The following ZNF385D variants were observed in gnomAD, a reference collection of about 807,000 sequenced individuals.
ZNF385D encodes zinc finger protein 659.
Under a neutral mutation model 35.8 loss-of-function variants are expected in ZNF385D, and 15 were observed. That is an observed-to-expected ratio of 0.42 (90% CI 0.28 to 0.64). ZNF385D has a LOEUF of 0.64. Ranked by LOEUF, ZNF385D falls within the 30% of genes least tolerant of loss-of-function variation. The pLI, the probability that ZNF385D is intolerant of heterozygous loss-of-function variation, is 0.23. For missense variants in ZNF385D, 474 were observed against 494.6 expected, an observed-to-expected ratio of 0.96 and a Z score of 0.39; for synonymous variants, 212 against 186.8, an observed-to-expected ratio of 1.13 and a Z score of -1.10.
chr3:21,569,412 T>G (rs540369670), intron 2 of ZNF385D, among the ~76,000 whole-genome samples: 7 of 149,498 alleles, frequency 4.7e-5, no homozygotes, highest in Non-Finnish European at 8.9e-5. Context: ...TTCCATTTGC[T>G]TGGTAGATCT....
chr3:21,993,320 A>G (rs914926219), intron 3 of ZNF385D, among the ~76,000 whole-genome samples: 3 of 152,166 alleles, frequency 2.0e-5, no homozygotes, highest in Non-Finnish European at 2.9e-5. Flanking sequence ...TTGTTTTAAA[A>G]AAGTTTCTTA....
intron 3 of ZNF385D, among the ~76,000 whole-genome samples, chr3:21,993,302 T>C (rs1216174600): frequency 6.6e-6 from 1 of 152,204 alleles, no homozygotes; most frequent in Non-Finnish European, 1.5e-5. Flanking sequence ...TTGGGATGTT[T>C]CCTTGAGTTG....
At chr3:21,908,157 T>TCTATCTATCTATCTATCTAC (rs1553696865) in intron 3 of ZNF385D, among the ~76,000 whole-genome samples, 1,836 of 150,268 alleles carry the variant, frequency 0.012, 22 homozygotes, top group Middle Eastern at 0.017. Flanking sequence ...TATCTATCTA[T>TCTATCTATCTATCTATCTAC]CTATCTATCT....
chr3:22,031,861 C>A (rs562145097), intron 3 of ZNF385D, among the ~76,000 whole-genome samples: 2 of 152,202 alleles, frequency 1.3e-5, no homozygotes, highest in Non-Finnish European at 2.9e-5. Flanking sequence ...TTCAAACTAT[C>A]TCTTTGTGAA....
intron 3 of ZNF385D, among the ~76,000 whole-genome samples, chr3:22,107,835 G>C (rs1702305990): frequency 6.6e-6 from 1 of 151,846 alleles, no homozygotes; most frequent in Non-Finnish European, 1.5e-5. Context: ...ATATGGAATG[G>C]CATGGTTTGA....
At chr3:21,573,717 A>T (rs1044194761) in intron 2 of ZNF385D, among the ~76,000 whole-genome samples, 1 of 118,944 alleles carries the variant, frequency 8.4e-6, no homozygotes, top group East Asian at 2.5e-4. Context: ...ACACATGCCT[A>T]GTCAACAAAG....
At chr3:21,626,193 T>C (rs1339224562) in intron 2 of ZNF385D, among the ~76,000 whole-genome samples, 1 of 152,000 alleles carries the variant, frequency 6.6e-6, no homozygotes, top group Admixed American at 6.6e-5. Flanking sequence ...TGGTCCAAGA[T>C]ATGTCAGAGG....
At chr3:22,081,594 T>A (rs1347426408) in intron 3 of ZNF385D, among the ~76,000 whole-genome samples, 5 of 152,172 alleles carry the variant, frequency 3.3e-5, no homozygotes, top group African/African-American at 9.7e-5. Flanking sequence ...GTGTTTTAGA[T>A]GATTAAGTGT....
chr3:22,208,942 ATGTT>A, intron 2 of ZNF385D, among the ~76,000 whole-genome samples: 1 of 151,956 alleles, frequency 6.6e-6, no homozygotes, highest in East Asian at 1.9e-4. Flanking sequence ...CAGTTTTGTA[ATGTT>A]TGTTGCCAGT....
At chr3:22,015,898 AC>A in intron 3 of ZNF385D, among the ~76,000 whole-genome samples, 1 of 152,144 alleles carries the variant, frequency 6.6e-6, no homozygotes, top group South Asian at 2.1e-4. Context: ...TGTTGTGCCC[AC>A]GTTCCTGAAA....
intron 1 of ZNF385D, among the ~76,000 whole-genome samples, chr3:21,707,538 C>T (rs570496588): frequency 7.9e-5 from 12 of 152,172 alleles, no homozygotes; most frequent in Non-Finnish European, 1.2e-4. Flanking sequence ...TGAAAGGGAA[C>T]GAAAGACCTC....
intron 3 of ZNF385D, among the ~76,000 whole-genome samples, chr3:21,793,784 A>G (rs2072027624): frequency 6.6e-6 from 1 of 152,248 alleles, no homozygotes; most frequent in Admixed American, 6.5e-5. Flanking sequence ...TTCTGTAAGG[A>G]ACCTTAAAAA....
chr3:22,165,338 G>C (rs545895007), intron 3 of ZNF385D, among the ~76,000 whole-genome samples: 192 of 152,270 alleles, frequency 1.3e-3, no homozygotes, highest in African/African-American at 4.3e-3. Context: ...AAGAAAAAAA[G>C]CTGAGTAGTT....
At chr3:22,026,609 A>T (rs570667732) in intron 3 of ZNF385D, among the ~76,000 whole-genome samples, 1 of 152,190 alleles carries the variant, frequency 6.6e-6, no homozygotes, top group East Asian at 1.9e-4. Flanking sequence ...CATTTCCCCA[A>T]TGCCAGAATG....
Position 22,096,281 on chromosome 3 carries a change from A to G in ZNF385D, c.325+72536T>C, listed in dbSNP as rs1250768139. ...AACCTCAGCATTGCACAATATACCC[A>G]GGTATCAAACCTGCACATGTAAACC... On this transcript the variant is annotated intron_variant, in intron 3 of 5. Transcript: ENST00000494108. Among the ~76,000 whole-genome samples the G allele has an allele frequency of 2.6e-5, 4 of 152,022 alleles. No individual in the cohort carries two copies. The East Asian group carries it at 7.7e-4, about 29-fold the overall frequency.
chr3:21,520,364 A>C (rs1707833944), intron 3 of ZNF385D, among the ~76,000 whole-genome samples: 1 of 152,196 alleles, frequency 6.6e-6, no homozygotes, highest in Non-Finnish European at 1.5e-5. Context: ...ATACATCTCT[A>C]AATAGTTGCC....
chr3:22,219,503 C>T (rs528623870), intron 2 of ZNF385D, among the ~76,000 whole-genome samples: 3 of 152,052 alleles, frequency 2.0e-5, no homozygotes, highest in Non-Finnish European at 4.4e-5. Context: ...TTTAATAAAG[C>T]TGTTTTATCT....
At chr3:21,556,068 G>GTTTTTTTTTTTTTTTTTTTTTTATTTTT (rs148079775) in intron 3 of ZNF385D, among the ~76,000 whole-genome samples, 1 of 99,020 alleles carries the variant, frequency 1.0e-5, no homozygotes, top group African/African-American at 4.0e-5. Context: ...TTTTGTTTTT[G>GTTTTTTTTTTTTTTTTTTTTTTATTTTT]TTTTTTTTTT....
In ZNF385D at chr3:21,764,632, A is replaced by G. The variant is rs555034581; in HGVS notation, c.326-99604T>C. Among the ~76,000 whole-genome samples the G allele has an allele frequency of 4.6e-5, 7 of 152,236 alleles. No homozygotes were observed. In the South Asian group the frequency reaches 1.0e-3, roughly 23 times the overall value. On this transcript the variant is annotated intron_variant, in intron 3 of 5. Coordinates refer to the ZNF385D transcript ENST00000494108. Reference sequence around the variant, plus strand: ...ATCCAACCACTTTTAGAGTAAATTAATGTTTTTAGCTGTCATGGAAGCTGA... The same window carrying G: ...ATCCAACCACTTTTAGAGTAAATTAGTGTTTTTAGCTGTCATGGAAGCTGA...
Sources: gnomAD v4.1 joint callset for allele counts (sites outside exome capture counted in the v4.1 genomes callset) on GRCh38, gnomAD v4.1.1 for gene constraint, MANE v1.5 for transcripts, NCBI Gene and HGNC (gene_info 2026-07-23, HGNC 2026-07-21) for gene names.